USP47: variants seen among roughly 807,000 people sequenced by gnomAD.
USP47 encodes ubiquitin carboxyl-terminal hydrolase 47.
Under a neutral mutation model 165.1 loss-of-function variants are expected in USP47, and 35 were observed. The ratio of observed to expected loss-of-function variants is 0.21; its 90% CI spans 0.16 to 0.28. The LOEUF (loss-of-function observed/expected upper bound fraction) is 0.28, where lower values mean the gene tolerates loss of function less well. USP47 is among the 10% of genes least tolerant of loss of function. The pLI is 1.00. For synonymous variants in USP47, 531 were observed against 544.5 expected (o/e 0.98, Z 0.35); for missense variants, 1,277 against 1,607.4 (o/e 0.79, Z 3.52).
At chr11:11,897,253 T>TGTTTAAACGTTTA (rs1851907006) in intron 4 of USP47, among the ~76,000 whole-genome samples, 2 of 152,128 alleles carry the variant, frequency 1.3e-5, no homozygotes, top group African/African-American at 4.8e-5. Context: ...AAGTTTAATA[T>TGTTTAAACGTTTA]GTTTAAACGT....
chr11:11,918,879 A>T (rs1163144958), intron 8 of USP47, among the ~76,000 whole-genome samples: 1 of 151,992 alleles, frequency 6.6e-6, no homozygotes, highest in Non-Finnish European at 1.5e-5. Context: ...AGTCTGTGTT[A>T]AGCTATAGAT....
chr11:11,920,106 C>A, intron 8 of USP47, 50 bp from the exon 9 acceptor site: 2 of 1,329,086 alleles, frequency 1.5e-6, no homozygotes, highest in South Asian at 1.8e-5. Context: ...AGGATTTTGT[C>A]ATTAATATAA....
intron 1 of USP47, among the ~76,000 whole-genome samples, chr11:11,879,081 A>T (rs1850663168): frequency 2.0e-5 from 3 of 152,268 alleles, no homozygotes; most frequent in Admixed American, 1.3e-4. Flanking sequence ...AAAGCAAGAG[A>T]TTTACATCAT....
Position 11,942,702 on chromosome 11 carries a change from A to C in USP47, c.2681A>C (p.Glu894Ala). 6.2e-7 allele frequency: 1 copy of C among 1,613,666 alleles called. No homozygotes were observed. Among genetic ancestry groups the C allele is most frequent in the Non-Finnish European group, 8.5e-7 (1 of 1,179,788 alleles). ...GAAAACATCGAATCACCTCTCAATGAGAGGGACTCTTCAGCATCAGTGGAT... is the reference window on the plus strand; with the variant it reads ...GAAAACATCGAATCACCTCTCAATGCGAGGGACTCTTCAGCATCAGTGGAT... ...DFENIESPLN[E>A]RDSSASVDNR... The change falls in exon 20 of 28, where the codon GAG becomes GCG. Residue 894 changes from glutamate (E) to alanine (A), a missense_variant. Transcript: ENST00000527733.
In USP47 at chr11:11,892,112, A is replaced by G; in HGVS notation, c.496+6A>G. ...TTTGAATAAATCAGAAACTGGTAAGATTTGTTGTATTTTCATAAAATCATA... is the reference window on the plus strand; with the variant it reads ...TTTGAATAAATCAGAAACTGGTAAGGTTTGTTGTATTTTCATAAAATCATA... On this transcript the variant is annotated splice_donor_region_variant and intron_variant, in intron 4 of 27. Coordinates refer to ENST00000527733, the MANE Select transcript of USP47 (RefSeq NM_001282659.2). The G allele has an allele frequency of 1.2e-6, 2 of 1,610,166 alleles. No homozygotes were observed. Among genetic ancestry groups the G allele is most frequent in the Non-Finnish European group, 1.7e-6 (2 of 1,178,490 alleles).
intron 18 of USP47, among the ~76,000 whole-genome samples, chr11:11,939,600 A>T (rs1395356028): frequency 6.6e-6 from 1 of 152,044 alleles, no homozygotes; most frequent in Non-Finnish European, 1.5e-5. Flanking sequence ...CTATGTTGGT[A>T]TAATATACTG....
At chr11:11,895,345 C>T (rs1243254379) in intron 4 of USP47, among the ~76,000 whole-genome samples, 10 of 152,134 alleles carry the variant, frequency 6.6e-5, no homozygotes, top group Admixed American at 6.6e-4. Context: ...AGGGGTCCTG[C>T]CTTCCTGAGT....
At chr11:11,952,248 G>A (rs180828338) in intron 24 of USP47, 1 of 152,362 alleles carries the variant, frequency 6.6e-6, no homozygotes, top group African/African-American at 2.4e-5. Context: ...TGACAATTGA[G>A]TTGATGCTTG....
chr11:11,885,950 G>T (rs141018625), intron 3 of USP47, among the ~76,000 whole-genome samples: 1 of 152,344 alleles, frequency 6.6e-6, no homozygotes, highest in East Asian at 1.9e-4. Context: ...GGGAAAAACT[G>T]AGGCAACTAG....
At chr11:11,914,865 A>G (rs1050189941) in intron 8 of USP47, among the ~76,000 whole-genome samples, 2 of 152,172 alleles carry the variant, frequency 1.3e-5, no homozygotes, top group South Asian at 2.1e-4. Flanking sequence ...TCTGGTGACT[A>G]TGTGGAGAAA....
At chr11:11,955,538 A>G (rs949048643) in intron 27 of USP47, among the ~76,000 whole-genome samples, 17 of 152,214 alleles carry the variant, frequency 1.1e-4, no homozygotes, top group African/African-American at 3.1e-4. Flanking sequence ...CACAAGCTCA[A>G]TAGCCACATG....
At chr11:11,887,618 A>G (rs569961828) in intron 3 of USP47, among the ~76,000 whole-genome samples, 26 of 152,184 alleles carry the variant, frequency 1.7e-4, no homozygotes, top group Non-Finnish European at 3.8e-4. Context: ...CTCCCACACA[A>G]TAACAATGGG....
chr11:11,942,374 G>A lies in USP47; in HGVS notation c.2353G>A (p.Ala785Thr), dbSNP rs781497285. 1.2e-6 allele frequency: 2 copies of A among 1,611,684 alleles called. No individual in the cohort carries two copies. Among genetic ancestry groups the A allele is most frequent in the East Asian group, 2.2e-5 (1 of 44,864 alleles). Residue 785 changes from alanine to threonine, a missense_variant, in exon 20 of 28, where the codon GCC (alanine) becomes ACC (threonine). Ala to Thr is a moderately conservative substitution (Grantham distance 58). Transcript: ENST00000527733. ...ESSETLDYQM[A>T]FADSHLWKLL... is the part of the protein sequence containing the mutation. ...CTCCGAGACTTTGGATTACCAGATGGCCTTTGCAGACTCTCATTTATGGAA... is the reference window on the plus strand; with the variant it reads ...CTCCGAGACTTTGGATTACCAGATGACCTTTGCAGACTCTCATTTATGGAA...
chr11:11,866,993 G>A (rs1019598951), intron 1 of USP47, among the ~76,000 whole-genome samples: 3 of 152,058 alleles, frequency 2.0e-5, no homozygotes, highest in Non-Finnish European at 2.9e-5. Flanking sequence ...TGCCTCCCAG[G>A]TTCAAGCGAT....
chr11:11,915,476 A>T (rs1853346326), intron 8 of USP47, among the ~76,000 whole-genome samples: 2 of 152,320 alleles, frequency 1.3e-5, no homozygotes, highest in Non-Finnish European at 1.5e-5. Context: ...GGAACTTAAT[A>T]GACACATATA....
At chr11:11,933,788 C>CT (rs894984042) in intron 15 of USP47, 43 bp from the exon 16 acceptor site, 5 of 1,399,402 alleles carry the variant, frequency 3.6e-6, no homozygotes, top group Non-Finnish European at 5.0e-6. Flanking sequence ...AAGAATTGAA[C>CT]TTTGGAACTG....
chr11:11,910,999 A>T (rs1180545599), intron 8 of USP47, among the ~76,000 whole-genome samples: 1 of 152,224 alleles, frequency 6.6e-6, no homozygotes, highest in Admixed American at 6.5e-5. Flanking sequence ...TCCTAAGCAC[A>T]CTGAAAACAA....
In USP47 at chr11:11,903,155, A is replaced by G. The variant is rs930936855; in HGVS notation, c.740-108A>G. 7 of 1,094,846 alleles carry G rather than the reference A, an allele frequency of 6.4e-6. No homozygotes were observed. The African/African-American group carries it at 6.4e-5, about 10-fold the overall frequency. The allele number at this position is 1,094,846 out of a possible 1,614,324, so 67.8% of individuals were successfully genotyped here. On this transcript the variant is annotated intron_variant, in intron 6 of 27. Transcript: ENST00000527733. ...TCTTATGTTCTTTTTTAAATTTGGC[A>G]TTATTTAAGGTAGACTTCAATATTT... is the stretch of plus-strand genomic sequence containing the variant.
intron 24 of USP47, chr11:11,950,771 A>G (rs1856168283): frequency 5.4e-6 from 1 of 185,286 alleles, no homozygotes; most frequent in East Asian, 1.3e-4. Flanking sequence ...TCTGGTTCCC[A>G]TTTGCCTTTT....
Sources: allele counts gnomAD v4.1 joint callset (sites outside exome capture counted in the v4.1 genomes callset), GRCh38; gene constraint gnomAD v4.1.1; transcripts MANE v1.5; gene names NCBI Gene and HGNC (gene_info 2026-07-23, HGNC 2026-07-21).